The following DHRSX variants were observed in gnomAD, a reference collection of about 807,000 sequenced individuals.
DHRSX encodes the protein dehydrogenase/reductase X-linked, also known as polyprenol dehydrogenase.
Under a neutral mutation model 34.0 loss-of-function variants are expected in DHRSX, and 31 were observed. That is an observed-to-expected ratio of 0.91 (90% CI 0.69 to 1.23). DHRSX has a LOEUF of 1.23. Ranked by LOEUF, DHRSX falls within the 50% of genes most tolerant of loss-of-function variation. The pLI, the probability that DHRSX is intolerant of heterozygous loss-of-function variation, is 0.00. For missense variants in DHRSX, 414 were observed against 428.1 expected (o/e 0.97, Z 0.29); for synonymous variants, 201 against 183.8 (o/e 1.09, Z -0.76).
chrX:2,360,771 T>C (rs761971085), intron 3 of DHRSX, among the ~76,000 whole-genome samples: 2 of 152,028 alleles, frequency 1.3e-5, no homozygotes, highest in South Asian at 2.1e-4. Flanking sequence ...CACGGCCCGA[T>C]GTGGGCAGAT....
intron 1 of DHRSX, among the ~76,000 whole-genome samples, chrX:2,431,983 G>A (rs1443456512): frequency 6.6e-6 from 1 of 152,106 alleles, no homozygotes; most frequent in Non-Finnish European, 1.5e-5. Context: ...ACGAGGTCAG[G>A]AGTTCAAGAC....
At chrX:2,473,975 C>T (rs1424607627) in intron 1 of DHRSX, among the ~76,000 whole-genome samples, 3 of 150,956 alleles carry the variant, frequency 2.0e-5, no homozygotes, top group South Asian at 2.1e-4. Context: ...GCGGTCAGCA[C>T]GGTGGCTGGA....
chrX:2,452,600 T>C (rs2044239439), intron 1 of DHRSX, among the ~76,000 whole-genome samples: 1 of 150,448 alleles, frequency 6.6e-6, no homozygotes, highest in Non-Finnish European at 1.5e-5. Context: ...ATGTGGCCAA[T>C]GGACCGCACT....
rs761035490 is a variant in DHRSX, at chrX:2,482,411, G to A, written c.109+18406C>T. ...CCCAAAGTGCAGGTATTACAAGCAT[G>A]AGCCACCACACCCAGCCTATTTTTA... On this transcript the variant is annotated intron_variant, in intron 1 of 6. Transcript: ENST00000334651. Among the ~76,000 whole-genome samples, 3 of 151,984 alleles carry A rather than the reference G, an allele frequency of 2.0e-5. No individual in the cohort carries two copies. The South Asian group carries it at 6.2e-4, about 32-fold the overall frequency.
chrX:2,468,944 T>C (rs2044543262), intron 1 of DHRSX, among the ~76,000 whole-genome samples: 1 of 150,716 alleles, frequency 6.6e-6, no homozygotes, highest in Non-Finnish European at 1.5e-5. Context: ...TCCCTAAGTA[T>C]GTGGCTCAGG....
chrX:2,494,889 G>A (rs891051288), intron 1 of DHRSX, among the ~76,000 whole-genome samples: 9 of 151,678 alleles, frequency 5.9e-5, no homozygotes, highest in Non-Finnish European at 1.2e-4. Flanking sequence ...TGTGAACAAA[G>A]GTTTATATTC....
intron 3 of DHRSX, among the ~76,000 whole-genome samples, chrX:2,378,168 G>C (rs977385647): frequency 5.3e-5 from 8 of 152,218 alleles, no homozygotes; most frequent in African/African-American, 1.9e-4. Flanking sequence ...TTGGCTTTCT[G>C]CTCCAGGAAT....
intron 3 of DHRSX, among the ~76,000 whole-genome samples, chrX:2,388,389 G>A (rs1210105951): frequency 6.6e-6 from 1 of 152,142 alleles, no homozygotes; most frequent in Non-Finnish European, 1.5e-5. Flanking sequence ...AGGGGGTTGG[G>A]GGGAGGCTGA....
chrX:2,288,458 C>A (rs1220888074), intron 4 of DHRSX, among the ~76,000 whole-genome samples: 1 of 152,228 alleles, frequency 6.6e-6, no homozygotes, highest in Non-Finnish European at 1.5e-5. Context: ...TGGTCTCGAA[C>A]TCCTGACCTC....
intron 3 of DHRSX, among the ~76,000 whole-genome samples, chrX:2,380,631 G>A (rs1229922170): frequency 3.9e-5 from 6 of 151,998 alleles, no homozygotes; most frequent in East Asian, 1.9e-4. Flanking sequence ...TCATGGTGGC[G>A]GATTTCCCCC....
intron 1 of DHRSX, among the ~76,000 whole-genome samples, chrX:2,472,872 C>A (rs2044614837): frequency 6.6e-6 from 1 of 152,072 alleles, no homozygotes; most frequent in Non-Finnish European, 1.5e-5. Flanking sequence ...CTTAGGAAAT[C>A]AGGGATTTCC....
Position 2,291,576 on chromosome X carries a change from G to A in DHRSX, c.314C>T (p.Ser105Phe), listed in dbSNP as rs2041865881. The A allele has an allele frequency of 2.5e-6, 4 of 1,613,772 alleles. No individual in the cohort carries two copies. In the African/African-American group the frequency reaches 5.3e-5, roughly 22 times the overall value. Residue 105 changes from serine (S) to phenylalanine (F), a missense_variant, in exon 4 of 7, where the codon TCC (serine) becomes TTC (phenylalanine). By Grantham distance (155) the Ser-to-Phe change is radical (BLOSUM62 -2). Coordinates refer to ENST00000334651, the MANE Select transcript of DHRSX (RefSeq NM_145177.3). ...CACAAACTGCCGGATGGAAGTCATG[G>A]AAGCCAAGTCACAGTATAAAAATTC... ...KVEFLYCDLA[S>F]MTSIRQFVQK...
At chrX:2,449,802 T>A (rs1341887574) in intron 1 of DHRSX, among the ~76,000 whole-genome samples, 1 of 152,122 alleles carries the variant, frequency 6.6e-6, no homozygotes, top group African/African-American at 2.4e-5. Context: ...TATAAGCACA[T>A]ACTAATTTTT....
chrX:2,220,876 T>C lies in DHRSX; in HGVS notation c.*165A>G. 1.7e-6 allele frequency: 1 copy of C among 586,298 alleles called. No individual in the cohort carries two copies. Among genetic ancestry groups the C allele is most frequent in the Non-Finnish European group, 2.9e-6 (1 of 339,240 alleles). The allele number at this position is 586,298 out of a possible 1,614,324, so 36.3% of individuals were successfully genotyped here. On this transcript the variant is annotated 3_prime_UTR_variant, in exon 7 of 7. Coordinates refer to ENST00000334651, the MANE Select transcript of DHRSX (RefSeq NM_145177.3). ...TTATCCTCCAAAATGTTTATTTGGC[T>C]TCTTGAAGTTCTGCAGAGGTTGAGG...
At chrX:2,491,447 T>C (rs5939179) in intron 1 of DHRSX, among the ~76,000 whole-genome samples, 150,847 of 152,288 alleles carry the variant, frequency 0.99, 74,710 homozygotes, top group Middle Eastern at 1. Context: ...GTGGGAAAGC[T>C]GCGTAGATCT....
intron 1 of DHRSX, chrX:2,490,541 G>GT: frequency 6.2e-7 from 1 of 1,613,990 alleles, no homozygotes; most frequent in Non-Finnish European, 8.5e-7. Flanking sequence ...CAGGTTGGAG[G>GT]TGTTTCCGGA....
chrX:2,425,910 C>T (rs371135331), intron 1 of DHRSX, among the ~76,000 whole-genome samples: 47 of 152,222 alleles, frequency 3.1e-4, no homozygotes, highest in African/African-American at 1.1e-3. Context: ...AGTAGGCTTA[C>T]AGTTGGCTAG....
At chrX:2,490,182 C>A (rs148879989) in intron 1 of DHRSX, 3 of 1,613,978 alleles carry the variant, frequency 1.9e-6, no homozygotes, top group East Asian at 4.5e-5. Flanking sequence ...ACCTCCCGGA[C>A]GGCCCCGTAC....
chrX:2,481,379 C>T (rs2044768060), intron 1 of DHRSX, among the ~76,000 whole-genome samples: 1 of 152,112 alleles, frequency 6.6e-6, no homozygotes, highest in Non-Finnish European at 1.5e-5. Flanking sequence ...GGTGTATCCA[C>T]ACTGGGCTGG....
Sources: gnomAD v4.1 joint callset for allele counts (sites outside exome capture counted in the v4.1 genomes callset) on GRCh38, gnomAD v4.1.1 for gene constraint, MANE v1.5 for transcripts, NCBI Gene and HGNC (gene_info 2026-07-23, HGNC 2026-07-21) for gene names.